NTN1: variants seen among roughly 807,000 people sequenced by gnomAD.
NTN1 encodes netrin-1.
In NTN1, 11 loss-of-function variants were observed where a neutral mutation model predicts 54.2. The observed-to-expected ratio is 0.20, with a 90% CI of 0.13 to 0.34. NTN1 has a LOEUF of 0.34. NTN1 is among the 10% of genes least tolerant of loss of function. The pLI is 1.00. For synonymous variants in NTN1, 371 were observed against 382.0 expected (o/e 0.97, Z 0.33); for missense variants, 740 against 893.1 (o/e 0.83, Z 2.18).
intron 2 of NTN1, among the ~76,000 whole-genome samples, chr17:9,076,005 A>G (rs1050290671): frequency 6.6e-6 from 1 of 152,240 alleles, no homozygotes; most frequent in Non-Finnish European, 1.5e-5. Context: ...AGGTGAGGCC[A>G]CTGAATCCTG....
chr17:9,148,933 G>T (rs2092320572), intron 2 of NTN1, among the ~76,000 whole-genome samples: 1 of 152,002 alleles, frequency 6.6e-6, no homozygotes, highest in South Asian at 2.1e-4. Flanking sequence ...ACAGCCCATG[G>T]GGGTAGAGGG....
At chr17:9,106,579 G>A (rs1252342169) in intron 2 of NTN1, among the ~76,000 whole-genome samples, 5 of 150,916 alleles carry the variant, frequency 3.3e-5, no homozygotes, top group Admixed American at 6.6e-5. Context: ...AGTGGTGCAC[G>A]CTCGGCTCAC....
At chr17:9,157,490 G>A (rs2092346230) in intron 2 of NTN1, among the ~76,000 whole-genome samples, 2 of 152,234 alleles carry the variant, frequency 1.3e-5, no homozygotes, top group South Asian at 4.1e-4. Context: ...ATAGGACTTA[G>A]AGGACTTTTT....
At chr17:9,103,739 A>T (rs2092157399) in intron 2 of NTN1, among the ~76,000 whole-genome samples, 1 of 152,096 alleles carries the variant, frequency 6.6e-6, no homozygotes. Flanking sequence ...ACATGCTACA[A>T]CTTGGATAAA....
intron 4 of NTN1, among the ~76,000 whole-genome samples, chr17:9,181,302 G>A (rs887486377): frequency 3.9e-5 from 6 of 152,188 alleles, no homozygotes; most frequent in African/African-American, 1.4e-4. Context: ...CTCGTGCCCT[G>A]TTTTGTCCCA....
At chr17:9,225,468 G>T (rs959795213) in intron 6 of NTN1, among the ~76,000 whole-genome samples, 9 of 152,120 alleles carry the variant, frequency 5.9e-5, no homozygotes, top group Admixed American at 4.6e-4. Context: ...CTGGCGGGGG[G>T]CCCTGAGGAC....
At chr17:9,188,210 C>T (rs1904337828) in intron 5 of NTN1, among the ~76,000 whole-genome samples, 1 of 152,234 alleles carries the variant, frequency 6.6e-6, no homozygotes, top group Non-Finnish European at 1.5e-5. Context: ...GGACAGATCA[C>T]CTGAGGTCAG....
At chr17:9,111,618 AAACGT>A (rs1468133640) in intron 2 of NTN1, among the ~76,000 whole-genome samples, 1 of 152,216 alleles carries the variant, frequency 6.6e-6, no homozygotes, top group African/African-American at 2.4e-5. Flanking sequence ...GACTCCCCCA[AAACGT>A]AACTACTAAT....
chr17:9,131,133 T>A (rs1276749633), intron 2 of NTN1, among the ~76,000 whole-genome samples: 1 of 152,228 alleles, frequency 6.6e-6, no homozygotes, highest in Non-Finnish European at 1.5e-5. Flanking sequence ...CTCCTCCCTG[T>A]GTCTACATGG....
chr17:9,183,126 C>A, intron 5 of NTN1, 157 bp downstream of exon 5: 1 of 755,124 alleles, frequency 1.3e-6, no homozygotes. Context: ...ATTGAAGAAG[C>A]TGGAGCTATA....
chr17:9,142,894 C>T (rs891272897), intron 2 of NTN1, among the ~76,000 whole-genome samples: 6 of 152,122 alleles, frequency 3.9e-5, no homozygotes, highest in Admixed American at 2.0e-4. Context: ...ATGTAAAGTC[C>T]GTGTCTGCTG....
chr17:9,239,313 G>A lies in NTN1; in HGVS notation c.1487-327G>A, dbSNP rs1012712261. Among the ~76,000 whole-genome samples, 1 of 152,190 alleles carries A rather than the reference G, an allele frequency of 6.6e-6. No individual in the cohort carries two copies. Among genetic ancestry groups the A allele is most frequent in the African/African-American group, 2.4e-5 (1 of 41,444 alleles). ...GCTCTCACCCGAGCGCCTGCCCTGG[G>A]CAGACAGCTTGCCCAGAGTGCTGGG... On this transcript the variant is annotated intron_variant, in intron 6 of 6. Transcript: ENST00000173229. This position sits in a 1 kb window ranked among gnomAD's most constrained non-coding sequence, Gnocchi z 5.2.
intron 5 of NTN1, chr17:9,183,451 T>C (rs2142320453): frequency 5.1e-6 from 2 of 393,442 alleles, no homozygotes; most frequent in Middle Eastern, 6.3e-4. Flanking sequence ...ATTTAGCATT[T>C]CCTCCATGGC....
chr17:9,155,799 G>A (rs1032120579), intron 2 of NTN1, among the ~76,000 whole-genome samples: 1 of 152,190 alleles, frequency 6.6e-6, no homozygotes, highest in African/African-American at 2.4e-5. Flanking sequence ...GGCAGGCTCT[G>A]TTTGGGGGAA....
intron 4 of NTN1, among the ~76,000 whole-genome samples, chr17:9,181,452 G>A (rs544194452): frequency 5.3e-5 from 8 of 152,324 alleles, no homozygotes; most frequent in Admixed American, 4.6e-4. Context: ...GGACCATTCA[G>A]ATGTTGCCTC....
intron 2 of NTN1, among the ~76,000 whole-genome samples, chr17:9,154,172 C>T: frequency 6.6e-6 from 1 of 152,166 alleles, no homozygotes; most frequent in African/African-American, 2.4e-5. Flanking sequence ...TAGTGGTGGA[C>T]CTGGGAGTGA....
At chr17:9,171,878 G>A in intron 3 of NTN1, 1 of 148,384 alleles carries the variant, frequency 6.7e-6, no homozygotes, top group African/African-American at 2.6e-5. Flanking sequence ...AATATATCAG[G>A]CTCACTTTTT....
chr17:9,154,668 G>A (rs1041178770), intron 2 of NTN1, among the ~76,000 whole-genome samples: 58 of 152,098 alleles, frequency 3.8e-4, no homozygotes, highest in African/African-American at 1.4e-3. Context: ...CACTGGAGGC[G>A]GAATACCTAA....
chr17:9,183,223 T>C, intron 5 of NTN1: 1 of 680,506 alleles, frequency 1.5e-6, no homozygotes, highest in Non-Finnish European at 2.7e-6. Flanking sequence ...CCCTAAAAAC[T>C]GAGCTCCTTC....
Sources: gnomAD v4.1 joint callset for allele counts (sites outside exome capture counted in the v4.1 genomes callset) on GRCh38, gnomAD v4.1.1 for gene constraint, Gnocchi (gnomAD v3.1) non-coding constraint, MANE v1.5 for transcripts, NCBI Gene and HGNC (gene_info 2026-07-23, HGNC 2026-07-21) for gene names.